CPNE4: variants seen among roughly 807,000 people sequenced by gnomAD.
The protein encoded by CPNE4 is copine 4, also known as copine-4.
A neutral mutation model predicts 67.9 loss-of-function variants in CPNE4; 25 were observed. The ratio of observed to expected loss-of-function variants is 0.37; its 90% CI spans 0.27 to 0.51. The LOEUF (loss-of-function observed/expected upper bound fraction) is 0.51. CPNE4 is among the 20% of genes least tolerant of loss of function. CPNE4 has a pLI of 0.93. For missense variants in CPNE4, 464 were observed against 690.8 expected (o/e 0.67, Z 3.68); for synonymous variants, 242 against 244.9 (o/e 0.99, Z 0.11).
At chr3:131,787,978 T>G (rs1280774460) in intron 2 of CPNE4, among the ~76,000 whole-genome samples, 1 of 152,110 alleles carries the variant, frequency 6.6e-6, no homozygotes, top group African/African-American at 2.4e-5. Context: ...AAAGATTAAT[T>G]AGCACTTGTA....
At chr3:131,933,682 A>G (rs999723194) in intron 1 of CPNE4, among the ~76,000 whole-genome samples, 3 of 152,122 alleles carry the variant, frequency 2.0e-5, no homozygotes, top group Non-Finnish European at 4.4e-5. Flanking sequence ...TATATACACA[A>G]TGGGATACTA....
chr3:131,582,951 C>G (rs1937936819), intron 8 of CPNE4, among the ~76,000 whole-genome samples: 1 of 152,098 alleles, frequency 6.6e-6, no homozygotes, highest in Admixed American at 6.6e-5. Flanking sequence ...TTGTTTTCAG[C>G]CAGGAAGTTC....
At chr3:131,767,267 G>A (rs1377594043) in intron 2 of CPNE4, among the ~76,000 whole-genome samples, 1 of 150,798 alleles carries the variant, frequency 6.6e-6, no homozygotes, top group Non-Finnish European at 1.5e-5. Context: ...GAGCGTGTGT[G>A]TGTGTGTGTG....
chr3:131,951,498 A>C (rs1324389289), intron 1 of CPNE4, among the ~76,000 whole-genome samples: 1 of 152,086 alleles, frequency 6.6e-6, no homozygotes, highest in Non-Finnish European at 1.5e-5. Context: ...CCCTCCCCTT[A>C]GAATTCCTTC....
intron 2 of CPNE4, among the ~76,000 whole-genome samples, chr3:131,857,865 T>A (rs774195331): frequency 3.8e-4 from 58 of 152,002 alleles, no homozygotes; most frequent in Admixed American, 1.4e-3. Context: ...AACATAGCAA[T>A]TTCCAGCAGG....
chr3:131,900,686 A>T (rs1335057371), intron 2 of CPNE4, among the ~76,000 whole-genome samples: 1 of 152,124 alleles, frequency 6.6e-6, no homozygotes, highest in Admixed American at 6.6e-5. Context: ...TTTTTCACAG[A>T]GCTATTATCA....
intron 9 of CPNE4, among the ~76,000 whole-genome samples, chr3:131,576,183 T>C (rs1937544472): frequency 6.6e-6 from 1 of 152,134 alleles, no homozygotes; most frequent in South Asian, 2.1e-4. Context: ...TTGGTCTCTC[T>C]AGATACCACC....
chr3:131,958,604 CTTTTCTTTTTTTTT>C (rs2072054052), intron 1 of CPNE4, among the ~76,000 whole-genome samples: 1 of 44,300 alleles, frequency 2.3e-5, no homozygotes, highest in African/African-American at 8.1e-5. Context: ...ACCTTTCTTT[CTTTTCTTTTTTTTT>C]TTTTTTTTTT....
At chr3:131,668,597 ATG>A (rs2107653473) in intron 7 of CPNE4, among the ~76,000 whole-genome samples, 1 of 152,230 alleles carries the variant, frequency 6.6e-6, no homozygotes, top group South Asian at 2.1e-4. Flanking sequence ...TTACTGCTTG[ATG>A]GTTGTGTTTT....
chr3:131,772,272 T>A (rs1184813584), intron 2 of CPNE4, among the ~76,000 whole-genome samples: 1 of 152,128 alleles, frequency 6.6e-6, no homozygotes, highest in Admixed American at 6.6e-5. Context: ...ATAGCAGATG[T>A]TGAAAAAAAT....
chr3:131,986,473 T>C (rs1287180657), intron 1 of CPNE4, among the ~76,000 whole-genome samples: 1 of 152,028 alleles, frequency 6.6e-6, no homozygotes, highest in Non-Finnish European at 1.5e-5. Flanking sequence ...CTAGGGAAGA[T>C]AAGAGATGAG....
intron 7 of CPNE4, among the ~76,000 whole-genome samples, chr3:131,611,580 T>C (rs979889286): frequency 1.3e-5 from 2 of 152,118 alleles, no homozygotes; most frequent in Non-Finnish European, 2.9e-5. Context: ...CCAATCTTGC[T>C]GTCTAGCATG....
upstream of CPNE4, among the ~76,000 whole-genome samples, chr3:132,039,298 ACAGT>A (rs1560829650): frequency 6.6e-6 from 1 of 152,244 alleles, no homozygotes; most frequent in African/African-American, 2.4e-5. Flanking sequence ...CCTGAAGGTT[ACAGT>A]AAGTCAGCCA....
At chr3:131,617,637 T>C (rs1454805220) in intron 7 of CPNE4, among the ~76,000 whole-genome samples, 2 of 152,242 alleles carry the variant, frequency 1.3e-5, no homozygotes, top group African/African-American at 4.8e-5. Flanking sequence ...CCCTGTGCTA[T>C]AGCAGAGGCC....
At chr3:131,785,510 T>C (rs191018427) in intron 2 of CPNE4, among the ~76,000 whole-genome samples, 11 of 152,236 alleles carry the variant, frequency 7.2e-5, no homozygotes, top group Non-Finnish European at 1.5e-4. Flanking sequence ...GCTATTTCCA[T>C]TCTTTCTTAT....
intron 8 of CPNE4, among the ~76,000 whole-genome samples, chr3:131,584,984 C>T (rs1349555728): frequency 6.6e-6 from 1 of 152,190 alleles, no homozygotes; most frequent in Non-Finnish European, 1.5e-5. Context: ...TCACTCTCTG[C>T]TTCAGATACA....
intron 2 of CPNE4, among the ~76,000 whole-genome samples, chr3:131,904,762 G>A (rs1490477349): frequency 6.6e-6 from 1 of 152,104 alleles, no homozygotes; most frequent in Non-Finnish European, 1.5e-5. Context: ...GGATAGGACT[G>A]TCATCTACTG....
chr3:131,596,153 C>CAAAT (rs1476356909), intron 7 of CPNE4, among the ~76,000 whole-genome samples: 9 of 134,678 alleles, frequency 6.7e-5, no homozygotes, highest in South Asian at 4.8e-4. Flanking sequence ...AACAAACAAA[C>CAAAT]AAACAAACAA....
intron 1 of CPNE4, among the ~76,000 whole-genome samples, chr3:132,019,192 A>T (rs974888380): frequency 2.4e-4 from 36 of 152,344 alleles, no homozygotes; most frequent in African/African-American, 8.4e-4. Flanking sequence ...AAAGCCAGGA[A>T]CAATATTTAC....
Sources: allele counts gnomAD v4.1 joint callset (sites outside exome capture counted in the v4.1 genomes callset), GRCh38; gene constraint gnomAD v4.1.1; transcripts MANE v1.5; gene names NCBI Gene and HGNC (gene_info 2026-07-23, HGNC 2026-07-21).